Variants in SLIT3 observed in about 807,000 individuals in gnomAD.
SLIT3 encodes the protein slit guidance ligand 3.
In SLIT3, 68 loss-of-function variants were observed where a neutral mutation model predicts 184.0. The observed-to-expected ratio is 0.37, with a 90% CI of 0.30 to 0.45. The LOEUF is 0.45. Among genes scored for constraint, SLIT3 ranks in the 20% least tolerant of loss-of-function variants. The pLI, the probability that SLIT3 is intolerant of heterozygous loss-of-function variation, is 1.00. For missense variants in SLIT3, 1,707 were observed against 2,026.0 expected, an observed-to-expected ratio of 0.84 and a Z score of 3.02; for synonymous variants, 831 against 828.6, an observed-to-expected ratio of 1.00 and a Z score of -0.05.
At position 169,170,325 on chromosome 5, in the gene SLIT3, C is replaced by T. The variant is rs1398346316; in HGVS notation, c.413+23154G>A. The stretch of plus-strand genomic sequence containing the variant: ...ACTGCGGAAATATCAAACAGAAGTC[C>T]GGAAGAGTCATAACTTCCAAAGGCA... On this transcript the variant is annotated intron_variant, in intron 4 of 35. Transcript: ENST00000519560. Among the ~76,000 whole-genome samples the T allele has an allele frequency of 4.6e-5, 7 of 152,110 alleles. No individual in the cohort carries two copies. In the East Asian group the frequency reaches 9.7e-4, roughly 21 times the overall value.
intron 4 of SLIT3, among the ~76,000 whole-genome samples, chr5:168,903,318 G>C (rs960635204): frequency 3.3e-5 from 5 of 152,170 alleles, no homozygotes; most frequent in African/African-American, 7.2e-5. Flanking sequence ...GCTTCCTGGG[G>C]GTGCAAACCT....
chr5:168,942,292 C>A (rs941425372), intron 4 of SLIT3, among the ~76,000 whole-genome samples: 1 of 152,146 alleles, frequency 6.6e-6, no homozygotes, highest in Non-Finnish European at 1.5e-5. Flanking sequence ...CATTATTGAG[C>A]CACTAGATCC....
chr5:169,064,944 T>C (rs149032690), intron 4 of SLIT3, among the ~76,000 whole-genome samples: 81 of 152,340 alleles, frequency 5.3e-4, no homozygotes, highest in African/African-American at 1.9e-3. Flanking sequence ...CCCAGCCTAA[T>C]TGCTTGCCTT....
chr5:168,775,778 A>C (rs1755725118), intron 12 of SLIT3, among the ~76,000 whole-genome samples: 1 of 152,130 alleles, frequency 6.6e-6, no homozygotes, highest in South Asian at 2.1e-4. Flanking sequence ...TCCATGAGGA[A>C]GCTGTTTTTA....
At chr5:169,020,143 A>G (rs1441702109) in intron 4 of SLIT3, among the ~76,000 whole-genome samples, 3 of 152,224 alleles carry the variant, frequency 2.0e-5, no homozygotes, top group Admixed American at 2.0e-4. Flanking sequence ...ATGACCTACA[A>G]AGCCTAAAAT....
intron 11 of SLIT3, among the ~76,000 whole-genome samples, chr5:168,787,741 AT>A (rs1756207494): frequency 6.6e-6 from 1 of 152,152 alleles, no homozygotes; most frequent in African/African-American, 2.4e-5. Context: ...AGACCCCAAA[AT>A]AGAAGAGTCT....
chr5:169,138,813 G>A (rs889519118), intron 4 of SLIT3, among the ~76,000 whole-genome samples: 3 of 152,192 alleles, frequency 2.0e-5, no homozygotes, highest in Non-Finnish European at 4.4e-5. Flanking sequence ...TCTGACTTGC[G>A]AGTCAAGCAA....
At chr5:169,010,457 G>A (rs1756101692) in intron 4 of SLIT3, among the ~76,000 whole-genome samples, 1 of 152,178 alleles carries the variant, frequency 6.6e-6, no homozygotes. Context: ...AGGATGCCCT[G>A]TACTGGGTGT....
At chr5:169,116,451 A>T (rs1760666937) in intron 4 of SLIT3, among the ~76,000 whole-genome samples, 1 of 152,228 alleles carries the variant, frequency 6.6e-6, no homozygotes. Flanking sequence ...AAGTACCAAG[A>T]TATCTCTCCA....
Position 168,924,491 on chromosome 5 carries a change from AGGGTGTGTGT to A in SLIT3, c.414-41165_414-41156del, listed in dbSNP as rs1444187315. Among the ~76,000 whole-genome samples the A allele has an allele frequency of 3.5e-5, 5 of 143,058 alleles. No individual in the cohort carries two copies. In the East Asian group the frequency reaches 1.0e-3, roughly 30 times the overall value. The allele number at this position is 143,058 out of a possible 152,430, so 93.9% of individuals were successfully genotyped here. On this transcript the variant is annotated intron_variant, in intron 4 of 35. Coordinates refer to ENST00000519560, the MANE Select transcript of SLIT3 (RefSeq NM_003062.4). ...AATAAGGAACATTTAAGGGTGTGTA[AGGGTGTGTGT>A]GTGTGTATGTGTGTGTGTGTGTGTG...
At chr5:168,901,332 C>T (rs1300703949) in intron 4 of SLIT3, among the ~76,000 whole-genome samples, 1 of 149,634 alleles carries the variant, frequency 6.7e-6, no homozygotes, top group African/African-American at 2.4e-5. Context: ...CCACTGCACT[C>T]GAGCCTGGGT....
At chr5:168,931,810 G>A (rs772015962) in intron 4 of SLIT3, among the ~76,000 whole-genome samples, 15 of 152,186 alleles carry the variant, frequency 9.9e-5, no homozygotes, top group Admixed American at 2.6e-4. Context: ...AGAACTGCCC[G>A]TGATATTCTG....
At chr5:169,065,122 A>G (rs1758305353) in intron 4 of SLIT3, among the ~76,000 whole-genome samples, 1 of 152,244 alleles carries the variant, frequency 6.6e-6, no homozygotes, top group South Asian at 2.1e-4. Flanking sequence ...GGAAAGGTGC[A>G]AAGCGAAACC....
rs547690482 is a variant in SLIT3, at chr5:168,688,158, A to G, written c.3177-1042T>C. ...GTCACAGAGGCTTAGGTGCACCCAC[A>G]GGCACATATAAGCAAATGCTTACTG... On this transcript the variant is annotated intron_variant, in intron 29 of 35. Coordinates refer to ENST00000519560, the MANE Select transcript of SLIT3 (RefSeq NM_003062.4). Among the ~76,000 whole-genome samples, 109 of 152,372 alleles carry G rather than the reference A, an allele frequency of 7.2e-4. 1 individual carries two copies. The highest frequency in any genetic ancestry group is 2.4e-3 in the African/African-American group (100 of 41,590).
At chr5:169,067,032 A>G (rs1428749992) in intron 4 of SLIT3, among the ~76,000 whole-genome samples, 1 of 151,874 alleles carries the variant, frequency 6.6e-6, no homozygotes, top group Non-Finnish European at 1.5e-5. Context: ...AATTGTGATT[A>G]TTATTCGCTT....
intron 3 of SLIT3, among the ~76,000 whole-genome samples, chr5:169,201,812 T>C (rs1240636369): frequency 2.0e-5 from 3 of 152,202 alleles, no homozygotes; most frequent in Non-Finnish European, 4.4e-5. Context: ...CTCACATGAT[T>C]GGCCAGAACT....
intron 4 of SLIT3, among the ~76,000 whole-genome samples, chr5:168,929,200 C>T (rs2113155074): frequency 6.6e-6 from 1 of 152,184 alleles, no homozygotes; most frequent in East Asian, 1.9e-4. Context: ...CCCAACTCTA[C>T]CTTAAACCAT....
At chr5:169,076,985 A>G (rs2113142775) in intron 4 of SLIT3, among the ~76,000 whole-genome samples, 1 of 152,052 alleles carries the variant, frequency 6.6e-6, no homozygotes, top group Non-Finnish European at 1.5e-5. Flanking sequence ...CACACCCTAG[A>G]GGGATAAACA....
chr5:168,799,877 A>C (rs1168287327), intron 9 of SLIT3, among the ~76,000 whole-genome samples: 1 of 152,160 alleles, frequency 6.6e-6, no homozygotes, highest in African/African-American at 2.4e-5. Flanking sequence ...AATTTTCCTA[A>C]GGTCAGGTAG....
Sources: gnomAD v4.1 joint callset for allele counts (sites outside exome capture counted in the v4.1 genomes callset) on GRCh38, gnomAD v4.1.1 for gene constraint, MANE v1.5 for transcripts, NCBI Gene and HGNC (gene_info 2026-07-23, HGNC 2026-07-21) for gene names.